The following PREP variants were observed in gnomAD, a reference collection of about 807,000 sequenced individuals.
The protein encoded by PREP is prolyl endopeptidase.
Under a neutral mutation model 87.6 loss-of-function variants are expected in PREP, and 29 were observed. The ratio of observed to expected loss-of-function variants is 0.33; its 90% confidence interval spans 0.25 to 0.45. The LOEUF is 0.45. Ranked by LOEUF, PREP falls within the 20% of genes least tolerant of loss-of-function variation. The pLI, the probability that PREP is intolerant of heterozygous loss-of-function variation, is 1.00. For missense variants in PREP, 695 were observed against 886.5 expected (o/e 0.78, Z 2.74); for synonymous variants, 337 against 328.6 (o/e 1.03, Z -0.28).
intron 7 of PREP, among the ~76,000 whole-genome samples, chr6:105,350,297 T>C (rs1384518773): frequency 6.6e-6 from 1 of 152,120 alleles, no homozygotes; most frequent in Non-Finnish European, 1.5e-5. Flanking sequence ...TCATTATTCC[T>C]CACAATTCCC....
intron 10 of PREP, among the ~76,000 whole-genome samples, chr6:105,316,108 G>C (rs1583050851): frequency 2.0e-5 from 3 of 152,200 alleles, no homozygotes; most frequent in East Asian, 3.8e-4. Context: ...TTTGGTGCAA[G>C]AGGCACCTAT....
chr6:105,352,852 T>C, intron 7 of PREP, 120 bp downstream of exon 7: 1 of 853,910 alleles, frequency 1.2e-6, no homozygotes, highest in Admixed American at 2.3e-5. Context: ...AAAAATCAGA[T>C]GAACTGACAT....
intron 14 of PREP, 90 bp downstream of exon 14, chr6:105,281,656 A>G: frequency 1.4e-6 from 2 of 1,458,706 alleles, no homozygotes; most frequent in Non-Finnish European, 1.9e-6. Flanking sequence ...AGACCCTGAC[A>G]GTGACAAAGC....
Position 105,278,161 on chromosome 6 carries a change from C to G in PREP, c.2116G>C (p.Val706Leu). Residue 706 changes from valine (V) to leucine (L), a missense_variant, in exon 15 of 15, where the codon GTC (valine) becomes CTC (leucine). Around this residue, in one of 5 missense-constraint regions of PREP, gnomAD observed 121 missense variants for 154.8 expected, o/e 0.78. Transcript: ENST00000652536. This position sits in a 1 kb window ranked among gnomAD's most constrained non-coding sequence, Gnocchi z 4.2. ...AAAACTGTTTATGGAATCCAGTCGA[C>G]GTTCAGGCACCGCGCGATGAACGCA... The part of the protein sequence containing the change: ...MFAFIARCLN[V>L]DWIP 1 of 1,609,678 alleles carries G rather than the reference C, an allele frequency of 6.2e-7. No homozygotes were observed. The highest frequency in any genetic ancestry group is 8.5e-7 in the Non-Finnish European group (1 of 1,176,632).
intron 10 of PREP, among the ~76,000 whole-genome samples, chr6:105,293,069 T>C (rs1341872338): frequency 6.6e-6 from 1 of 152,254 alleles, no homozygotes; most frequent in Non-Finnish European, 1.5e-5. Flanking sequence ...TGCTTTCTTA[T>C]CATTCATGTC....
intron 1 of PREP, 35 bp from the exon 2 acceptor site, chr6:105,397,962 T>C (rs1225183885): frequency 6.9e-7 from 1 of 1,440,628 alleles, no homozygotes. Context: ...AGATAATTAC[T>C]CTCTAACCCC....
At position 105,277,019 on chromosome 6, in the gene PREP, A is replaced by C. The variant is rs944724194; in HGVS notation, c.*1125T>G. On this transcript the variant is annotated 3_prime_UTR_variant, in exon 15 of 15. Transcript: ENST00000652536. ...AGACAAAGGAAAAAAAACTGTTTTA[A>C]GTTAGATCAGCATTTCCCAAACTGA... 3.9e-5 allele frequency among the ~76,000 whole-genome samples: 6 copies of C among 152,166 alleles called. No individual in the cohort carries two copies. Among genetic ancestry groups the C allele is most frequent in the African/African-American group, 1.4e-4 (6 of 41,448 alleles).
intron 10 of PREP, among the ~76,000 whole-genome samples, chr6:105,322,031 C>T (rs1771024659): frequency 4.6e-5 from 7 of 151,986 alleles, no homozygotes; most frequent in Admixed American, 3.9e-4. Context: ...GAACAAGGCC[C>T]TGAGAAAACC....
At chr6:105,287,213 T>C (rs960339042) in intron 11 of PREP, among the ~76,000 whole-genome samples, 6 of 152,104 alleles carry the variant, frequency 3.9e-5, no homozygotes, top group Non-Finnish European at 8.8e-5. Context: ...GTGTTAATAT[T>C]ACATATTTGT....
Position 105,275,093 on chromosome 6 carries a change from C to A in PREP, c.*3051G>T, listed in dbSNP as rs1296708819. ...CTCCTTCAAGGGCCTCAGTCCTCAT[C>A]CCACTGGCCTGACCACCCCAACAGT... On this transcript the variant is annotated 3_prime_UTR_variant, in exon 15 of 15. Coordinates refer to ENST00000652536, the MANE Select transcript of PREP (RefSeq NM_002726.5). Among the ~76,000 whole-genome samples the A allele has an allele frequency of 6.6e-6, 1 of 152,208 alleles. No homozygotes were observed. Among genetic ancestry groups the A allele is most frequent in the Admixed American group, 6.5e-5 (1 of 15,278 alleles).
intron 2 of PREP, among the ~76,000 whole-genome samples, chr6:105,395,794 A>G (rs1773272882): frequency 6.6e-6 from 1 of 152,262 alleles, no homozygotes; most frequent in Admixed American, 6.5e-5. Context: ...AGGCTGTAGA[A>G]ATCCAGGTTA....
rs144148139 is a variant in PREP at position 105,330,148 on chromosome 6, C to A, written c.1016-1122G>T. Among the ~76,000 whole-genome samples, 11 of 152,240 alleles carry A rather than the reference C, an allele frequency of 7.2e-5. No homozygotes were observed. In the East Asian group the frequency reaches 2.1e-3, roughly 29 times the overall value. On this transcript the variant is annotated intron_variant, in intron 8 of 14. Transcript: ENST00000652536. ...TGGCCTGATAGGCCATCCAGTGAGC[C>A]AGGTAGAGAGCAGTTTAGTTACCTG...
At chr6:105,376,388 G>A (rs2114712466) in intron 3 of PREP, 133 bp from the exon 4 acceptor site, 1 of 968,508 alleles carries the variant, frequency 1.0e-6, no homozygotes, top group South Asian at 1.8e-5. Flanking sequence ...CCATCGCAGG[G>A]ACGTGGGGAC....
At chr6:105,394,955 G>T (rs1373781017) in intron 2 of PREP, among the ~76,000 whole-genome samples, 1 of 133,094 alleles carries the variant, frequency 7.5e-6, no homozygotes, top group East Asian at 2.0e-4. Flanking sequence ...TGGGACATTT[G>T]GGACATTATT....
At chr6:105,287,951 A>C (rs1189734755) in intron 11 of PREP, among the ~76,000 whole-genome samples, 1 of 152,256 alleles carries the variant, frequency 6.6e-6, no homozygotes, top group Non-Finnish European at 1.5e-5. Context: ...CTGGGAAATA[A>C]TCACAGAAAC....
intron 10 of PREP, 51 bp from the exon 11 acceptor site, chr6:105,288,945 T>C: frequency 6.4e-7 from 1 of 1,554,544 alleles, no homozygotes; most frequent in Admixed American, 1.7e-5. Flanking sequence ...TAGTAGATAC[T>C]GCGTGCTTTT....
At chr6:105,341,778 A>G (rs1002943639) in intron 7 of PREP, among the ~76,000 whole-genome samples, 5 of 152,248 alleles carry the variant, frequency 3.3e-5, no homozygotes, top group Non-Finnish European at 7.3e-5. Context: ...CAAGTAAACT[A>G]GAAAATCTAG....
chr6:105,372,183 C>A (rs993340589), intron 5 of PREP, among the ~76,000 whole-genome samples: 2 of 151,762 alleles, frequency 1.3e-5, no homozygotes, highest in Admixed American at 6.6e-5. Context: ...AACACTGTAG[C>A]CTTATTCTCA....
chr6:105,286,726 A>G (rs903863913), intron 11 of PREP, among the ~76,000 whole-genome samples: 1 of 151,886 alleles, frequency 6.6e-6, no homozygotes, highest in African/African-American at 2.4e-5. Flanking sequence ...TAGATGTATC[A>G]GACCATCCAA....
Sources: gnomAD v4.1 joint callset for allele counts (sites outside exome capture counted in the v4.1 genomes callset) on GRCh38, gnomAD v4.1.1 for gene constraint, gnomAD v4.1.1 regional missense constraint, Gnocchi (gnomAD v3.1) non-coding constraint, MANE v1.5 for transcripts, NCBI Gene and HGNC (gene_info 2026-07-23, HGNC 2026-07-21) for gene names.